HMCN2: variants seen among roughly 807,000 people sequenced by gnomAD.
HMCN2 encodes hemicentin 2.
In HMCN2, 325 loss-of-function variants were observed where a neutral mutation model predicts 377.5. The ratio of observed to expected loss-of-function variants is 0.86; its 90% CI spans 0.79 to 0.94. The LOEUF (loss-of-function observed/expected upper bound fraction) is 0.94. HMCN2 is among the 40% of genes least tolerant of loss of function. The pLI, the probability that HMCN2 is intolerant of heterozygous loss-of-function variation, is 0.00. For missense variants in HMCN2, 4,543 were observed against 4,725.3 expected (o/e 0.96, Z 1.13); for synonymous variants, 2,007 against 2,046.8 (o/e 0.98, Z 0.53).
intron 23 of HMCN2, 96 bp from the exon 24 acceptor site, chr9:130,341,015 G>A (rs1839019233): frequency 6.6e-6 from 1 of 152,314 alleles, no homozygotes; most frequent in African/African-American, 2.4e-5. Flanking sequence ...TGACAATTTT[G>A]CTGGTTGGTG....
At chr9:130,339,743 T>G (rs1193029757) in intron 23 of HMCN2, among the ~76,000 whole-genome samples, 1 of 152,218 alleles carries the variant, frequency 6.6e-6, no homozygotes, top group East Asian at 1.9e-4. Flanking sequence ...GCATCCACGC[T>G]CTCTGTGCTC....
At chr9:130,311,821 G>A (rs1014299766) in intron 15 of HMCN2, among the ~76,000 whole-genome samples, 1 of 152,108 alleles carries the variant, frequency 6.6e-6, no homozygotes, top group Admixed American at 6.5e-5. Flanking sequence ...GGGGAGCTGC[G>A]GAGGAGTTTG....
intron 15 of HMCN2, among the ~76,000 whole-genome samples, chr9:130,314,415 T>A (rs975166278): frequency 2.6e-5 from 4 of 152,228 alleles, no homozygotes; most frequent in Non-Finnish European, 5.9e-5. Context: ...TAAAGACTAA[T>A]CCAGCCTGCA....
rs76655736 is a variant in HMCN2, at chr9:130,412,926, C to T, written c.12961+2274C>T. ...AGTTCTCACATTTAGGTCAGTGATC[C>T]ATTTTGAGTTAATCTTTGTGTGGGG... On this transcript the variant is annotated intron_variant, in intron 85 of 97. Transcript: ENST00000683500. 5.7e-3 allele frequency among the ~76,000 whole-genome samples: 867 copies of T among 152,206 alleles called. 13 individuals carry two copies. The highest frequency in any genetic ancestry group is 0.014 in the African/African-American group (586 of 41,526).
chr9:130,322,188 T>C (rs1160997582), intron 19 of HMCN2, among the ~76,000 whole-genome samples: 2 of 152,196 alleles, frequency 1.3e-5, no homozygotes, highest in Non-Finnish European at 2.9e-5. Context: ...TATATGTATA[T>C]CACACACACC....
Position 130,303,570 on chromosome 9 carries a change from C to A in HMCN2, c.1505C>A (p.Ala502Asp). The change falls in exon 10 of 98, where the codon GCT becomes GAT. Residue 502 changes from alanine to aspartate, a missense_variant. Physicochemically the swap from Ala to Asp is moderately radical, Grantham distance 126 (BLOSUM62 -2). Transcript: ENST00000683500. This position sits in a 1 kb window ranked among gnomAD's most constrained non-coding sequence, Gnocchi z 5.2. Reference protein sequence around the residue: ...GTYECTAVSRAGTGRAKAQIV... With the variant: ...GTYECTAVSRDGTGRAKAQIV... ...TACGAGTGCACAGCCGTCAGCAGGGCTGGGACCGGGCGAGCAAAGGCCCAG... is the reference window on the plus strand; with the variant it reads ...TACGAGTGCACAGCCGTCAGCAGGGATGGGACCGGGCGAGCAAAGGCCCAG... 2 of 374,512 alleles carry A rather than the reference C, an allele frequency of 5.3e-6. No individual in the cohort carries two copies. Among genetic ancestry groups the A allele is most frequent in the Non-Finnish European group, 5.7e-6 (1 of 175,052 alleles). 23.2% of individuals were successfully genotyped at this position (374,512 alleles called of 1,614,324 possible).
At chr9:130,301,283 G>A (rs1272817483) in intron 8 of HMCN2, among the ~76,000 whole-genome samples, 1 of 152,246 alleles carries the variant, frequency 6.6e-6, no homozygotes. Flanking sequence ...CTTTCAGGAA[G>A]GAATTTCAGC....
chr9:130,406,330 A>C, intron 82 of HMCN2, 162 bp downstream of exon 82: 1 of 483,962 alleles, frequency 2.1e-6, no homozygotes, highest in Non-Finnish European at 3.6e-6. Context: ...GGGACAGGGC[A>C]AACCCAGCTG....
At chr9:130,370,740 C>A (rs1840976615) in intron 45 of HMCN2, among the ~76,000 whole-genome samples, 1 of 152,228 alleles carries the variant, frequency 6.6e-6, no homozygotes, top group Non-Finnish European at 1.5e-5. Context: ...CTTGGGGAGA[C>A]TGAGGCCCAA....
intron 4 of HMCN2, among the ~76,000 whole-genome samples, chr9:130,289,028 A>G (rs1330903580): frequency 6.6e-6 from 1 of 152,202 alleles, no homozygotes; most frequent in Non-Finnish European, 1.5e-5. Context: ...CCTGGCAGAC[A>G]CAGCTCAACG....
chr9:130,401,603 G>A (rs1298745196), intron 77 of HMCN2, among the ~76,000 whole-genome samples: 1 of 152,150 alleles, frequency 6.6e-6, no homozygotes. Context: ...AATTACAGGT[G>A]TGAGCCACCA....
chr9:130,317,051 A>G (rs1426092700), intron 15 of HMCN2, among the ~76,000 whole-genome samples: 2 of 151,448 alleles, frequency 1.3e-5, no homozygotes, highest in African/African-American at 4.9e-5. Flanking sequence ...GGGCACAGCA[A>G]TGAGTCTGGG....
chr9:130,428,616 A>T lies in HMCN2; in HGVS notation c.14197+127A>T. 1 of 1,309,814 alleles carries T rather than the reference A, an allele frequency of 7.6e-7. No homozygotes were observed. The highest frequency in any genetic ancestry group is 1.5e-5 in the South Asian group (1 of 68,712). 81.1% of individuals were successfully genotyped at this position (1,309,814 alleles called of 1,614,324 possible). A position where few individuals can be genotyped will look rare whatever the true frequency, so the allele number is the denominator to read the frequency against. ...CAGGAAGACTGGGACTCTTGGCAGA[A>T]GGAGTACAGCAAGGCTGGGGACAAA... On this transcript the variant is annotated intron_variant, in intron 93 of 97. Coordinates refer to ENST00000683500, the MANE Select transcript of HMCN2 (RefSeq NM_001291815.2). The surrounding 1 kb of genome is among the most constrained non-coding windows in gnomAD (Gnocchi z 5.0).
chr9:130,413,061 T>G (rs1247086069), intron 85 of HMCN2, among the ~76,000 whole-genome samples: 1 of 152,248 alleles, frequency 6.6e-6, no homozygotes, highest in Non-Finnish European at 1.5e-5. Flanking sequence ...TGTACTGGTC[T>G]TATATTTTTG....
At chr9:130,356,663 C>T (rs1185406812) in intron 34 of HMCN2, among the ~76,000 whole-genome samples, 3 of 152,242 alleles carry the variant, frequency 2.0e-5, no homozygotes, top group African/African-American at 7.2e-5. Flanking sequence ...TCCAGGAAGC[C>T]TTCCTTGATT....
chr9:130,383,615 G>A lies in HMCN2; in HGVS notation c.8830+15G>A. The A allele has an allele frequency of 1.0e-6, 1 of 982,524 alleles. No homozygotes were observed. The highest frequency in any genetic ancestry group is 4.7e-5 in the South Asian group (1 of 21,238). The allele number at this position is 982,524 out of a possible 1,614,324, so 60.9% of individuals were successfully genotyped here. On this transcript the variant is annotated intron_variant, in intron 57 of 97. Transcript: ENST00000683500. ...CAGGGTTCAAGGTGAGCTGGGCTGA[G>A]CAGGCAGCCCCTGTGGGTTCCTTTT...
Position 130,364,703 on chromosome 9 carries a change from C to T in HMCN2, c.6233-11C>T, listed in dbSNP as rs1432477619. The T allele has an allele frequency of 1.0e-6, 1 of 985,894 alleles. No homozygotes were observed. The highest frequency in any genetic ancestry group is 1.7e-5 in the African/African-American group (1 of 57,238). The allele number at this position is 985,894 out of a possible 1,614,324, so 61.1% of individuals were successfully genotyped here. A position where few individuals can be genotyped will look rare whatever the true frequency, so the allele number is the denominator to read the frequency against. ...TGCCTGAGGGAGCCCTTCTCCTGCC[C>T]CCTCCTGCAGTGCCCCCGAGTATCC... On this transcript the variant is annotated splice_polypyrimidine_tract_variant and intron_variant, in intron 40 of 97. Transcript: ENST00000683500.
Position 130,394,074 on chromosome 9 carries a change from T to A in HMCN2, c.10501+66T>A. 1 of 1,180,244 alleles carries A rather than the reference T, an allele frequency of 8.5e-7. No homozygotes were observed. The highest frequency in any genetic ancestry group is 1.1e-6 in the Non-Finnish European group (1 of 934,526). 73.1% of individuals were successfully genotyped at this position (1,180,244 alleles called of 1,614,324 possible). A position where few individuals can be genotyped will look rare whatever the true frequency, so the allele number is the denominator to read the frequency against. The stretch of plus-strand genomic sequence containing the variant: ...GGAGAGGGTGGGACTCTAGGGGCAA[T>A]GGGAAGGACAGTGAGGGAGGTGAGT... On this transcript the variant is annotated intron_variant, in intron 68 of 97. Transcript: ENST00000683500. The surrounding 1 kb of genome is among the most constrained non-coding windows in gnomAD (Gnocchi z 5.1).
Position 130,391,308 on chromosome 9 carries a change from G to A in HMCN2, c.9772G>A (p.Val3258Met), listed in dbSNP as rs768133944. Residue 3258 changes from valine (V) to methionine (M), a missense_variant, in exon 64 of 98, where the codon GTG becomes ATG. Transcript: ENST00000683500. ...GGCCGATGGGCAGCCGCCGCCGGAC[G>A]TGGCCTGGCTGAAGGACGGCAGCCC... is the stretch of plus-strand genomic sequence containing the variant. ...CEADGQPPPDVAWLKDGSPLG... is the reference protein window; with the variant it reads ...CEADGQPPPDMAWLKDGSPLG... 22 of 987,564 alleles carry A rather than the reference G, an allele frequency of 2.2e-5. No homozygotes were observed. Among genetic ancestry groups the A allele is most frequent in the South Asian group, 9.4e-5 (2 of 21,382 alleles). 61.2% of individuals were successfully genotyped at this position (987,564 alleles called of 1,614,324 possible).
Sources: allele counts gnomAD v4.1 joint callset (sites outside exome capture counted in the v4.1 genomes callset), GRCh38; gene constraint gnomAD v4.1.1; non-coding constraint Gnocchi (gnomAD v3.1); transcripts MANE v1.5; gene names NCBI Gene and HGNC (gene_info 2026-07-23, HGNC 2026-07-21).